LNX1: variants seen among roughly 807,000 people sequenced by gnomAD.
The protein encoded by LNX1 is E3 ubiquitin-protein ligase LNX.
A neutral mutation model predicts 68.4 loss-of-function variants in LNX1; 54 were observed. The ratio of observed to expected loss-of-function variants is 0.79; its 90% CI spans 0.63 to 0.99. The LOEUF (loss-of-function observed/expected upper bound fraction) is 0.99, where lower values mean the gene tolerates loss of function less well. LNX1 is among the 50% of genes least tolerant of loss of function. The pLI is 0.00. For synonymous variants in LNX1, 336 were observed against 350.0 expected (o/e 0.96, Z 0.45); for missense variants, 906 against 926.4 (o/e 0.98, Z 0.29).
intron 2 of LNX1, among the ~76,000 whole-genome samples, chr4:53,526,646 C>CT (rs1491005862): frequency 6.6e-6 from 1 of 151,408 alleles, no homozygotes; most frequent in East Asian, 1.9e-4. Flanking sequence ...TTGAAATTCT[C>CT]TTTTTTCTGC....
chr4:53,476,893 C>T lies in LNX1; in HGVS notation c.1752G>A (p.Ser584=). Residue 584 remains serine (S), a synonymous_variant, in exon 9 of 11, where the codon TCG becomes TCA. Coordinates refer to ENST00000263925, the MANE Select transcript of LNX1 (RefSeq NM_001126328.3). ...AVALLKRTSS[S]IVLKALEVKE... is the part of the protein sequence containing the mutation. ...TGACTTCCAAAGCTTTGAGTACTAT[C>T]GAGGATGATGTTCTTTTCAATAATG... 6.2e-7 allele frequency: 1 copy of T among 1,614,144 alleles called. No individual in the cohort carries two copies. The highest frequency in any genetic ancestry group is 8.5e-7 in the Non-Finnish European group (1 of 1,180,010).
At chr4:53,571,674 T>C (rs559998483) in intron 2 of LNX1, among the ~76,000 whole-genome samples, 2 of 152,114 alleles carry the variant, frequency 1.3e-5, no homozygotes, top group Admixed American at 1.3e-4. Flanking sequence ...TTTGTTTTTT[T>C]CTTTTTTTGA....
intron 7 of LNX1, among the ~76,000 whole-genome samples, chr4:53,479,322 TA>T (rs35434372): frequency 2.0e-5 from 3 of 152,190 alleles, no homozygotes; most frequent in East Asian, 1.9e-4. Context: ...TTTTCTATGT[TA>T]AAAAAAAGTA....
At chr4:53,570,800 G>T (rs1345292941) in intron 2 of LNX1, among the ~76,000 whole-genome samples, 2 of 151,182 alleles carry the variant, frequency 1.3e-5, no homozygotes, top group Non-Finnish European at 3.0e-5. Flanking sequence ...GGCTGAGGCG[G>T]GCGGATCACG....
chr4:53,578,920 A>T (rs974129675), intron 1 of LNX1, among the ~76,000 whole-genome samples: 12 of 152,198 alleles, frequency 7.9e-5, no homozygotes, highest in Non-Finnish European at 1.3e-4. Flanking sequence ...AGGTAGACTT[A>T]AAAAATATGA....
chr4:53,541,156 A>AAAG lies in LNX1; in HGVS notation c.380+32466_380+32467insCTT, dbSNP rs1560654502. On this transcript the variant is annotated intron_variant, in intron 2 of 10. Coordinates refer to ENST00000263925, the MANE Select transcript of LNX1 (RefSeq NM_001126328.3). Reference sequence around the variant, plus strand: ...TAACTCAAAAAAAAAAGAAAAAAAAAAAAGAAAGAAAAGAAAAGAAAGAAA... The same window carrying AAAG: ...TAACTCAAAAAAAAAAGAAAAAAAAAAAGAAAGAAAGAAAAGAAAAGAAAGAAA... Among the ~76,000 whole-genome samples, 24 of 151,940 alleles carry AAAG rather than the reference A, an allele frequency of 1.6e-4. No homozygotes were observed. The South Asian group carries it at 4.0e-3, about 25-fold the overall frequency.
chr4:53,547,106 T>C (rs1560658207), intron 2 of LNX1, among the ~76,000 whole-genome samples: 1 of 152,228 alleles, frequency 6.6e-6, no homozygotes, highest in Non-Finnish European at 1.5e-5. Flanking sequence ...TACCAAATTA[T>C]ATCAAATCGA....
At chr4:53,470,500 A>C (rs1198621837) in intron 9 of LNX1, among the ~76,000 whole-genome samples, 14 of 152,070 alleles carry the variant, frequency 9.2e-5, no homozygotes, top group African/African-American at 2.7e-4. Flanking sequence ...GGCAATCAGG[A>C]AGGAGAAGGA....
intron 1 of LNX1, among the ~76,000 whole-genome samples, chr4:53,623,204 T>TCC (rs1192367459): frequency 1.4e-5 from 1 of 69,640 alleles, no homozygotes; most frequent in African/African-American, 6.7e-5. Context: ...TTGAGAGCAA[T>TCC]TCTTTTTTTT....
intron 2 of LNX1, among the ~76,000 whole-genome samples, chr4:53,524,015 T>C (rs1349286795): frequency 6.6e-6 from 1 of 152,228 alleles, no homozygotes; most frequent in African/African-American, 2.4e-5. Context: ...TGACCATCAA[T>C]TTGATGACAT....
In LNX1 at chr4:53,459,805, C is replaced by G. The variant is rs2150526260; in HGVS notation, c.*1102G>C. ...CAGTTTTTTTGTTAATCAAACACCA[C>G]TCTCTTAAGAGGCTGCATCACAAAA... On this transcript the variant is annotated 3_prime_UTR_variant, in exon 11 of 11. Transcript: ENST00000263925. 3.2e-6 allele frequency: 1 copy of G among 312,690 alleles called. No individual in the cohort carries two copies. Among genetic ancestry groups the G allele is most frequent in the Non-Finnish European group, 6.0e-6 (1 of 166,902 alleles). The allele number at this position is 312,690 out of a possible 1,614,324, so 19.4% of individuals were successfully genotyped here. A position where few individuals can be genotyped will look rare whatever the true frequency, so the allele number is the denominator to read the frequency against.
At chr4:53,547,640 A>G (rs138484757) in intron 2 of LNX1, among the ~76,000 whole-genome samples, 3 of 152,312 alleles carry the variant, frequency 2.0e-5, no homozygotes, top group Non-Finnish European at 4.4e-5. Flanking sequence ...AAAGTCGGGA[A>G]GGGCTCACAG....
At chr4:53,651,109 A>G (rs1274418145) in intron 1 of LNX1, among the ~76,000 whole-genome samples, 1 of 152,206 alleles carries the variant, frequency 6.6e-6, no homozygotes. Context: ...AATCAAGAAC[A>G]GACAGTCTAA....
chr4:53,612,411 A>G (rs1016362963), intron 2 of LNX1, among the ~76,000 whole-genome samples: 1 of 152,242 alleles, frequency 6.6e-6, no homozygotes, highest in Non-Finnish European at 1.5e-5. Flanking sequence ...ATAAAGATTC[A>G]TACACAAGGT....
At chr4:53,549,303 T>G (rs1165247594) in intron 2 of LNX1, 5 of 152,190 alleles carry the variant, frequency 3.3e-5, no homozygotes, top group Non-Finnish European at 7.3e-5. Context: ...TTCTTACATT[T>G]CTTTCAACTT....
At chr4:53,498,516 G>C (rs1725239946) in intron 5 of LNX1, 125 bp downstream of exon 5, 2 of 686,046 alleles carry the variant, frequency 2.9e-6, no homozygotes, top group Non-Finnish European at 5.1e-6. Context: ...TAAAATGATA[G>C]AAAGTCACTA....
intron 1 of LNX1, among the ~76,000 whole-genome samples, chr4:53,647,542 C>G (rs1363001046): frequency 6.6e-6 from 1 of 152,104 alleles, no homozygotes; most frequent in Non-Finnish European, 1.5e-5. Context: ...GCTATTTTCC[C>G]AAGAATCACT....
intron 1 of LNX1, among the ~76,000 whole-genome samples, chr4:53,636,027 G>A (rs1035085044): frequency 1.3e-5 from 2 of 152,086 alleles, no homozygotes; most frequent in African/African-American, 4.8e-5. Flanking sequence ...GGGCAGGTCA[G>A]TTAAAATCTC....
At chr4:53,616,380 G>C (rs192952341) in intron 2 of LNX1, 1 of 152,264 alleles carries the variant, frequency 6.6e-6, no homozygotes, top group African/African-American at 2.4e-5. Context: ...CCTGCGCCTG[G>C]GTCAGCAGCA....
Sources: allele counts gnomAD v4.1 joint callset (sites outside exome capture counted in the v4.1 genomes callset), GRCh38; gene constraint gnomAD v4.1.1; transcripts MANE v1.5; gene names NCBI Gene and HGNC (gene_info 2026-07-23, HGNC 2026-07-21).